Variants in RERE observed in about 807,000 individuals in gnomAD.
RERE encodes the protein arginine-glutamic acid dipeptide repeats.
A neutral mutation model predicts 146.1 loss-of-function variants in RERE; 40 were observed. The observed-to-expected ratio is 0.27, with a 90% CI of 0.21 to 0.36. RERE has a LOEUF of 0.36. Ranked by LOEUF, RERE falls within the 10% of genes least tolerant of loss-of-function variation. RERE has a pLI of 1.00. For synonymous variants in RERE, 1,003 were observed against 866.0 expected, an observed-to-expected ratio of 1.16 and a Z score of -2.78; for missense variants, 1,933 against 2,138.7, an observed-to-expected ratio of 0.90 and a Z score of 1.90.
chr1:8,392,854 A>C (rs1220239430), intron 12 of RERE, among the ~76,000 whole-genome samples: 1 of 152,190 alleles, frequency 6.6e-6, no homozygotes, highest in East Asian at 1.9e-4. Flanking sequence ...CCTCTGACCA[A>C]AGCAAGCGAT....
chr1:8,520,148 T>C (rs1219629883), intron 7 of RERE, among the ~76,000 whole-genome samples: 1 of 152,062 alleles, frequency 6.6e-6, no homozygotes. Flanking sequence ...CACAAATAAA[T>C]ACAAAGGCCA....
intron 1 of RERE, among the ~76,000 whole-genome samples, chr1:8,677,275 C>T (rs953566050): frequency 2.0e-5 from 3 of 151,786 alleles, no homozygotes; most frequent in Admixed American, 6.6e-5. Context: ...ATTAAAAATA[C>T]AAAATTAGCC....
intron 2 of RERE, among the ~76,000 whole-genome samples, chr1:8,628,044 G>A (rs78986525): frequency 0.015 from 2,317 of 151,918 alleles, 61 homozygotes; most frequent in African/African-American, 0.053. Context: ...AATGACCACT[G>A]TTACTTTTCC....
chr1:8,515,220 G>A (rs941130027), intron 7 of RERE, among the ~76,000 whole-genome samples: 12 of 152,000 alleles, frequency 7.9e-5, no homozygotes, highest in African/African-American at 2.9e-4. Flanking sequence ...TAATTAGCTG[G>A]TCACGGTGGC....
At chr1:8,792,135 A>C (rs370032622) in intron 1 of RERE, among the ~76,000 whole-genome samples, 24 of 152,318 alleles carry the variant, frequency 1.6e-4, no homozygotes, top group African/African-American at 5.3e-4. Context: ...ACAAAGTATA[A>C]GAGCGCCTTC....
intron 8 of RERE, among the ~76,000 whole-genome samples, chr1:8,498,128 AGGTG>A (rs1645070351): frequency 6.6e-6 from 1 of 152,120 alleles, no homozygotes; most frequent in Non-Finnish European, 1.5e-5. Context: ...TGGGAGGCCG[AGGTG>A]GGTGGATCAC....
At chr1:8,796,183 C>T (rs750254293) in intron 1 of RERE, among the ~76,000 whole-genome samples, 14 of 152,210 alleles carry the variant, frequency 9.2e-5, no homozygotes, top group Non-Finnish European at 1.6e-4. Context: ...ATGGGCACTA[C>T]ACAAGAATAC....
Position 8,364,930 on chromosome 1 carries a change from C to A in RERE, c.1448-92G>T, listed in dbSNP as rs1210960159. On this transcript the variant is annotated intron_variant, in intron 13 of 22. Coordinates refer to ENST00000400908, the MANE Select transcript of RERE (RefSeq NM_001042681.2). This position sits in a 1 kb window ranked among gnomAD's most constrained non-coding sequence, Gnocchi z 5.1. ...TGGGGTGGGGGGGAGGGGGGAACAC[C>A]TGTGACCTCTGGCCTACTGCAGGTT... is the stretch of plus-strand genomic sequence containing the variant. 1.4e-6 allele frequency: 1 copy of A among 738,780 alleles called. No homozygotes were observed. Among genetic ancestry groups the A allele is most frequent in the South Asian group, 1.6e-5 (1 of 63,122 alleles). 45.8% of individuals were successfully genotyped at this position (738,780 alleles called of 1,614,324 possible).
chr1:8,358,002 G>T (rs570079892), intron 20 of RERE, among the ~76,000 whole-genome samples, 194 bp downstream of exon 20: 195 of 152,404 alleles, frequency 1.3e-3, no homozygotes, highest in African/African-American at 4.6e-3. Flanking sequence ...GTTCTGGAGA[G>T]CTGCGGGGCC....
chr1:8,490,742 A>T (rs1032817764), intron 10 of RERE, among the ~76,000 whole-genome samples: 2 of 150,460 alleles, frequency 1.3e-5, no homozygotes, highest in African/African-American at 2.5e-5. Context: ...AAATGATTTT[A>T]AAAAAATAAA....
At chr1:8,809,152 A>T (rs891467932) in intron 1 of RERE, among the ~76,000 whole-genome samples, 5 of 151,062 alleles carry the variant, frequency 3.3e-5, no homozygotes, top group African/African-American at 1.2e-4. Flanking sequence ...AAAAAAAAAA[A>T]AAAAAAAAGT....
At chr1:8,636,417 C>G (rs1414357885) in intron 2 of RERE, among the ~76,000 whole-genome samples, 1 of 152,018 alleles carries the variant, frequency 6.6e-6, no homozygotes, top group Non-Finnish European at 1.5e-5. Context: ...GCTTGTAGTC[C>G]CACATACTCA....
Position 8,465,963 on chromosome 1 carries a change from G to C in RERE, c.1165C>G (p.Pro389Ala). 3 of 1,614,140 alleles carry C rather than the reference G, an allele frequency of 1.9e-6. No individual in the cohort carries two copies. The highest frequency in any genetic ancestry group is 2.5e-6 in the Non-Finnish European group (3 of 1,180,000). ...GTCCAGCACTTCTCGATGAGCTTGG[G>C]CACAGGCTTCTTCACCAGGCGCTGC... ...ALQRLVKKPV[P>A]KLIEKCWTED... Residue 389 changes from proline (P) to alanine (A), a missense_variant, in exon 11 of 23, where the codon CCC becomes GCC. Coordinates refer to ENST00000400908, the MANE Select transcript of RERE (RefSeq NM_001042681.2).
At chr1:8,532,191 A>C (rs2124370790) in intron 7 of RERE, among the ~76,000 whole-genome samples, 1 of 152,338 alleles carries the variant, frequency 6.6e-6, no homozygotes, top group Non-Finnish European at 1.5e-5. Context: ...ATGCATATTT[A>C]CCTTGCTAGA....
At chr1:8,809,137 TAA>T (rs58263107) in intron 1 of RERE, among the ~76,000 whole-genome samples, 22 of 95,046 alleles carry the variant, frequency 2.3e-4, no homozygotes, top group African/African-American at 4.1e-4. Flanking sequence ...GACTTTGTCT[TAA>T]AAAAAAAAAA....
At chr1:8,565,377 T>C (rs1363587071) in intron 4 of RERE, among the ~76,000 whole-genome samples, 1 of 152,176 alleles carries the variant, frequency 6.6e-6, no homozygotes, top group Non-Finnish European at 1.5e-5. Context: ...AGGAAATATC[T>C]TGTAATATTT....
chr1:8,759,255 G>A (rs1311688689), intron 1 of RERE, among the ~76,000 whole-genome samples: 1 of 152,328 alleles, frequency 6.6e-6, no homozygotes, highest in Non-Finnish European at 1.5e-5. Flanking sequence ...CACATTAACT[G>A]TAGAATCCTT....
chr1:8,404,697 G>C (rs72866031), intron 12 of RERE, among the ~76,000 whole-genome samples: 3,142 of 152,232 alleles, frequency 0.021, 120 homozygotes, highest in African/African-American at 0.073. Flanking sequence ...AGAGTCCTTG[G>C]GCAATCAAAA....
chr1:8,495,279 G>A, intron 9 of RERE, 117 bp from the exon 10 acceptor site: 1 of 688,240 alleles, frequency 1.5e-6, no homozygotes, highest in Non-Finnish European at 2.6e-6. Context: ...CTACACGCAT[G>A]ATGAACCAGT....
Sources: gnomAD v4.1 joint callset for allele counts (sites outside exome capture counted in the v4.1 genomes callset) on GRCh38, gnomAD v4.1.1 for gene constraint, Gnocchi (gnomAD v3.1) non-coding constraint, MANE v1.5 for transcripts, NCBI Gene and HGNC (gene_info 2026-07-23, HGNC 2026-07-21) for gene names.